Variants in GRID2 observed in about 807,000 individuals in gnomAD.
The protein encoded by GRID2 is glutamate ionotropic receptor delta type subunit 2.
In GRID2, 33 loss-of-function variants were observed where a neutral mutation model predicts 114.8. The ratio of observed to expected loss-of-function variants is 0.29; its 90% CI spans 0.22 to 0.38. The LOEUF (loss-of-function observed/expected upper bound fraction) is 0.38, where lower values mean the gene tolerates loss of function less well. Ranked by LOEUF, GRID2 falls within the 10% of genes least tolerant of loss-of-function variation. The pLI is 1.00. For synonymous variants in GRID2, 505 were observed against 449.9 expected (o/e 1.12, Z -1.55); for missense variants, 1,184 against 1,257.7 (o/e 0.94, Z 0.89).
intron 4 of GRID2, among the ~76,000 whole-genome samples, chr4:93,191,682 G>T (rs1055444936): frequency 6.6e-6 from 1 of 151,878 alleles, no homozygotes; most frequent in East Asian, 1.9e-4. Flanking sequence ...GTCACATCAA[G>T]ATTTGTCTAA....
intron 9 of GRID2, among the ~76,000 whole-genome samples, chr4:93,405,256 G>A (rs1766297096): frequency 6.6e-6 from 1 of 152,088 alleles, no homozygotes; most frequent in Admixed American, 6.6e-5. Context: ...TGCAAATGAT[G>A]TAATTTAGAG....
chr4:92,447,783 C>T (rs1263246778), intron 1 of GRID2, among the ~76,000 whole-genome samples: 2 of 152,140 alleles, frequency 1.3e-5, no homozygotes, highest in Admixed American at 6.5e-5. Context: ...ATTCTGAGTT[C>T]TCTTTTATAA....
intron 1 of GRID2, among the ~76,000 whole-genome samples, chr4:92,413,976 G>A (rs1333463495): frequency 6.6e-6 from 1 of 152,058 alleles, no homozygotes; most frequent in Non-Finnish European, 1.5e-5. Context: ...AAATAGTTTA[G>A]AATGAGGTTA....
intron 1 of GRID2, among the ~76,000 whole-genome samples, chr4:92,415,801 C>T (rs1042211999): frequency 4.6e-5 from 6 of 130,826 alleles, no homozygotes; most frequent in Non-Finnish European, 8.0e-5. Flanking sequence ...TTTATTCACT[C>T]ATTGGTTGAT....
At chr4:92,899,447 A>C (rs1167304074) in intron 2 of GRID2, among the ~76,000 whole-genome samples, 1 of 152,180 alleles carries the variant, frequency 6.6e-6, no homozygotes, top group African/African-American at 2.4e-5. Flanking sequence ...ATTTCTGAGA[A>C]GTAATATCAG....
intron 2 of GRID2, among the ~76,000 whole-genome samples, chr4:92,831,831 G>T (rs926153014): frequency 6.6e-6 from 1 of 151,994 alleles, no homozygotes; most frequent in African/African-American, 2.4e-5. Context: ...CTATACTCTA[G>T]ACTGGGAGAC....
At chr4:93,755,718 A>G (rs1017598541) in intron 14 of GRID2, among the ~76,000 whole-genome samples, 1 of 152,232 alleles carries the variant, frequency 6.6e-6, no homozygotes, top group Admixed American at 6.5e-5. Context: ...GCTTCTACCA[A>G]CTAAAGTGAA....
intron 2 of GRID2, among the ~76,000 whole-genome samples, chr4:93,024,463 T>G (rs1723692392): frequency 6.6e-6 from 1 of 151,850 alleles, no homozygotes; most frequent in Admixed American, 6.6e-5. Flanking sequence ...TTTAAAATTT[T>G]CTTCTGAAGT....
At chr4:93,427,989 T>C (rs1769017811) in intron 10 of GRID2, among the ~76,000 whole-genome samples, 1 of 152,012 alleles carries the variant, frequency 6.6e-6, no homozygotes, top group Admixed American at 6.6e-5. Context: ...CACAGAGAAC[T>C]TTCAATAAGA....
chr4:93,058,517 C>T (rs906575352), intron 2 of GRID2, among the ~76,000 whole-genome samples: 14 of 151,880 alleles, frequency 9.2e-5, no homozygotes, highest in South Asian at 2.1e-4. Context: ...CCAAAGAAAT[C>T]GTGGCTTTTT....
At chr4:93,096,888 C>A (rs1022957252) in intron 3 of GRID2, among the ~76,000 whole-genome samples, 1 of 151,918 alleles carries the variant, frequency 6.6e-6, no homozygotes, top group Non-Finnish European at 1.5e-5. Context: ...TTCCTCATAT[C>A]CAAAACTGGA....
At chr4:93,372,337 T>C (rs1763006772) in intron 8 of GRID2, among the ~76,000 whole-genome samples, 1 of 150,804 alleles carries the variant, frequency 6.6e-6, no homozygotes, top group East Asian at 2.0e-4. Flanking sequence ...AAAATGTAAC[T>C]ACATATGCAC....
intron 2 of GRID2, among the ~76,000 whole-genome samples, chr4:92,621,709 G>A (rs1456966260): frequency 6.6e-6 from 1 of 151,736 alleles, no homozygotes; most frequent in African/African-American, 2.4e-5. Context: ...ATTAAATTAT[G>A]GAGAGAATTT....
At chr4:92,572,645 T>C (rs1727686550) in intron 1 of GRID2, among the ~76,000 whole-genome samples, 1 of 152,054 alleles carries the variant, frequency 6.6e-6, no homozygotes, top group South Asian at 2.1e-4. Context: ...TCCTGGAGAT[T>C]TGTGTATGTT....
At chr4:93,373,140 C>A (rs1338456297) in intron 8 of GRID2, among the ~76,000 whole-genome samples, 3 of 152,112 alleles carry the variant, frequency 2.0e-5, no homozygotes, top group Non-Finnish European at 4.4e-5. Context: ...ATCATTTCCC[C>A]ACAGGAACTA....
chr4:93,029,425 A>T (rs952070468), intron 2 of GRID2, among the ~76,000 whole-genome samples: 1 of 152,074 alleles, frequency 6.6e-6, no homozygotes, highest in Non-Finnish European at 1.5e-5. Context: ...CTTCTTAAAT[A>T]ATAATTGTTG....
intron 7 of GRID2, among the ~76,000 whole-genome samples, chr4:93,232,721 A>ACCAG: frequency 6.6e-6 from 1 of 151,924 alleles, no homozygotes; most frequent in Non-Finnish European, 1.5e-5. Flanking sequence ...ATTTTCTTAT[A>ACCAG]TTGATATATG....
chr4:93,145,486 A>AGT (rs1560925238), intron 4 of GRID2, among the ~76,000 whole-genome samples: 1 of 33,590 alleles, frequency 3.0e-5, no homozygotes, highest in Non-Finnish European at 4.7e-5. Flanking sequence ...TTTTTGAGAC[A>AGT]GTTTCACTCT....
chr4:92,450,747 T>C (rs1483202378), intron 1 of GRID2, among the ~76,000 whole-genome samples: 1 of 151,400 alleles, frequency 6.6e-6, no homozygotes, highest in African/African-American at 2.4e-5. Context: ...TTCTTTATGT[T>C]GATCTGTGTC....
Sources: allele counts gnomAD v4.1 joint callset (sites outside exome capture counted in the v4.1 genomes callset), GRCh38; gene constraint gnomAD v4.1.1; transcripts MANE v1.5; gene names NCBI Gene and HGNC (gene_info 2026-07-23, HGNC 2026-07-21).